Variants in SHROOM4 observed in about 807,000 individuals in gnomAD.
SHROOM4 encodes protein Shroom4.
A neutral mutation model predicts 80.3 loss-of-function variants in SHROOM4; 17 were observed. The observed-to-expected ratio is 0.21, with a 90% CI of 0.14 to 0.32. The LOEUF is 0.32. SHROOM4 is among the 10% of genes least tolerant of loss of function. The pLI is 1.00. For missense variants in SHROOM4, 993 were observed against 1,140.3 expected (o/e 0.87, Z 1.86); for synonymous variants, 400 against 437.5 (o/e 0.91, Z 1.07).
intron 2 of SHROOM4, among the ~76,000 whole-genome samples, chrX:50,690,911 G>A (rs1485502444): frequency 1.8e-5 from 2 of 112,575 alleles, no homozygotes; most frequent in African/African-American, 6.5e-5. Context: ...AGGTTATAGT[G>A]AGCCAAGATC....
chrX:50,770,814 TC>T (rs782508418), intron 1 of SHROOM4, among the ~76,000 whole-genome samples: 2 of 111,456 alleles, frequency 1.8e-5, no homozygotes, highest in Non-Finnish European at 3.8e-5. Context: ...CTGTTTGCAT[TC>T]CCACACCTGG....
At chrX:50,582,184 A>G (rs1378008752), downstream of SHROOM4, among the ~76,000 whole-genome samples, 1 of 111,815 alleles carries the variant, frequency 8.9e-6, no homozygotes, top group Non-Finnish European at 1.9e-5. Flanking sequence ...GCAGCCAGCC[A>G]TAAGTCTTAA....
intron 1 of SHROOM4, among the ~76,000 whole-genome samples, chrX:50,772,008 A>ATG (rs10581172): frequency 0.02 from 2,035 of 103,068 alleles, 55 homozygotes; most frequent in African/African-American, 0.069. Flanking sequence ...CTTGTTTTTT[A>ATG]TGTGTGTGTG....
intron 1 of SHROOM4, among the ~76,000 whole-genome samples, chrX:50,749,696 G>A (rs1210003777): frequency 3.6e-5 from 4 of 111,972 alleles, no homozygotes; most frequent in Non-Finnish European, 7.5e-5. Context: ...AAAAGAGGTA[G>A]GGAAGATCTT....
chrX:50,634,545 G>A lies in SHROOM4; in HGVS notation c.1528C>T (p.Leu510=), dbSNP rs782504235. 3.3e-6 allele frequency: 4 copies of A among 1,211,797 alleles called. No homozygotes were observed. The highest frequency in any genetic ancestry group is 4.5e-6 in the Non-Finnish European group (4 of 895,551). The part of the protein sequence containing the change: ...ADGHPSEKGF[L]DPNRTSRAAS... ...GCTCTGCTTGTTCTGTTTGGGTCCA[G>A]GAAACCTTTTTCTGAGGGGTGTCCA... The change falls in exon 4 of 9, where the codon CTG becomes TTG. Residue 510 remains leucine, a synonymous_variant. Coordinates refer to ENST00000376020, the MANE Select transcript of SHROOM4 (RefSeq NM_020717.5).
chrX:50,731,395 T>A (rs1323583137), intron 1 of SHROOM4, among the ~76,000 whole-genome samples: 2 of 111,669 alleles, frequency 1.8e-5, no homozygotes, highest in Non-Finnish European at 3.8e-5. Context: ...GCCAGCAGGC[T>A]TTCTTCTGAA....
At chrX:50,800,798 C>A (rs1325544427) in intron 1 of SHROOM4, among the ~76,000 whole-genome samples, 3 of 110,446 alleles carry the variant, frequency 2.7e-5, no homozygotes, top group Non-Finnish European at 3.8e-5. Context: ...AGCAGGGAAC[C>A]ATTAAATAAT....
chrX:50,651,882 T>G (rs1309409015), intron 2 of SHROOM4, among the ~76,000 whole-genome samples: 1 of 111,426 alleles, frequency 9.0e-6, no homozygotes, highest in Admixed American at 9.6e-5. Context: ...GGTTTCCAGC[T>G]TCATCCATGT....
chrX:50,790,548 C>T (rs782122134), intron 1 of SHROOM4, among the ~76,000 whole-genome samples: 22 of 111,123 alleles, frequency 2.0e-4, no homozygotes, highest in African/African-American at 6.5e-4. Flanking sequence ...AAATCCTCAA[C>T]AAAATACCAG....
chrX:50,661,294 C>T (rs1237791623), intron 2 of SHROOM4, among the ~76,000 whole-genome samples: 3 of 111,446 alleles, frequency 2.7e-5, no homozygotes, highest in Non-Finnish European at 5.6e-5. Flanking sequence ...TCTCCACTCA[C>T]TGCAACCTCT....
intron 5 of SHROOM4, among the ~76,000 whole-genome samples, chrX:50,612,186 T>TA (rs782596447): frequency 0.042 from 4,360 of 103,651 alleles, 208 homozygotes; most frequent in African/African-American, 0.14. Context: ...CTAATCTAAT[T>TA]AAAAAAAAAA....
At position 50,722,992 on chromosome X, in the gene SHROOM4, T is replaced by C. The variant is rs1203637888; in HGVS notation, c.118-27055A>G. Among the ~76,000 whole-genome samples, 4 of 109,002 alleles carry C rather than the reference T, an allele frequency of 3.7e-5. No homozygotes were observed. The East Asian group carries it at 1.2e-3, about 32-fold the overall frequency. 94.7% of individuals were successfully genotyped at this position (109,002 alleles called of 115,157 possible). On this transcript the variant is annotated intron_variant, in intron 1 of 8. Transcript: ENST00000376020. ...AGCGAAATGCAATGATTGTTTAGTA[T>C]ATTTAAAGAGTTGTACAACCATCAC... is the stretch of plus-strand genomic sequence containing the variant.
chrX:50,616,654 G>T (rs1930249460), intron 5 of SHROOM4, among the ~76,000 whole-genome samples: 1 of 111,096 alleles, frequency 9.0e-6, no homozygotes, highest in Non-Finnish European at 1.9e-5. Context: ...AAATTCATAG[G>T]CCCCAACCCT....
chrX:50,618,917 C>T (rs1367286619), intron 5 of SHROOM4, among the ~76,000 whole-genome samples: 3 of 111,963 alleles, frequency 2.7e-5, no homozygotes, highest in African/African-American at 9.8e-5. Context: ...GCAAAAGGTA[C>T]TTGTGCTACA....
intron 2 of SHROOM4, among the ~76,000 whole-genome samples, chrX:50,681,258 C>T (rs1932936351): frequency 9.0e-6 from 1 of 111,223 alleles, no homozygotes; most frequent in South Asian, 3.8e-4. Flanking sequence ...TACCACTGTT[C>T]TGCTTAGAAC....
intron 1 of SHROOM4, among the ~76,000 whole-genome samples, chrX:50,738,868 G>T (rs1304074547): frequency 2.1e-4 from 23 of 111,551 alleles, no homozygotes; most frequent in Non-Finnish European, 1.7e-4. Context: ...AGCCCACATT[G>T]CCAAGTCAAT....
chrX:50,637,077 A>G (rs886104877), intron 3 of SHROOM4, among the ~76,000 whole-genome samples: 3 of 111,717 alleles, frequency 2.7e-5, no homozygotes, highest in Non-Finnish European at 5.6e-5. Context: ...CAACTCCCAC[A>G]GCAAAGCCAA....
In SHROOM4 at chrX:50,591,698, C is replaced by CTTTCT. The variant is rs1928890048; in HGVS notation, c.*4992_*4996dup. 1.0e-4 allele frequency: 1 copy of CTTTCT among 9,919 alleles called. No individual in the cohort carries two copies. The highest frequency in any genetic ancestry group is 1.8e-3 in the Admixed American group (1 of 541). 0.8% of individuals were successfully genotyped at this position (9,919 alleles called of 1,213,427 possible). A position where few individuals can be genotyped will look rare whatever the true frequency, so the allele number is the denominator to read the frequency against. On this transcript the variant is annotated 3_prime_UTR_variant, in exon 9 of 9. Transcript: ENST00000376020. ...CTTTCTTTCTTTCTTTCTTTCTTTT[C>CTTTCT]TTTCTTTCTTTCTTTCTTTCTTTCT...
chrX:50,684,516 T>C (rs1933018800), intron 2 of SHROOM4, among the ~76,000 whole-genome samples: 1 of 112,030 alleles, frequency 8.9e-6, no homozygotes. Flanking sequence ...AGGACACTAA[T>C]ACAGAGGTGA....
Sources: allele counts gnomAD v4.1 joint callset (sites outside exome capture counted in the v4.1 genomes callset), GRCh38; gene constraint gnomAD v4.1.1; transcripts MANE v1.5; gene names NCBI Gene and HGNC (gene_info 2026-07-23, HGNC 2026-07-21).